GRIK1: variants seen among roughly 807,000 people sequenced by gnomAD.
GRIK1 encodes glutamate receptor ionotropic, kainate 1.
In GRIK1, 69 loss-of-function variants were observed where a neutral mutation model predicts 105.7. The ratio of observed to expected loss-of-function variants is 0.65; its 90% confidence interval spans 0.54 to 0.80. GRIK1 has a LOEUF of 0.80. GRIK1 is among the 30% of genes least tolerant of loss of function. GRIK1 has a pLI of 0.00. For synonymous variants in GRIK1, 438 were observed against 431.3 expected, an observed-to-expected ratio of 1.02 and a Z score of -0.19; for missense variants, 1,109 against 1,167.3, an observed-to-expected ratio of 0.95 and a Z score of 0.73.
Position 29,642,807 on chromosome 21 carries a change from G to A in GRIK1, c.1098+19C>T, listed in dbSNP as rs779635529. On this transcript the variant is annotated intron_variant, in intron 7 of 17. Transcript: ENST00000327783. The stretch of plus-strand genomic sequence containing the variant: ...CAGTGCTCAGAAGGGCCCCTGGGCT[G>A]TGAGGGAGCATCACTTGCCTCTTTG... 2 of 1,612,862 alleles carry A rather than the reference G, an allele frequency of 1.2e-6. No homozygotes were observed. Among genetic ancestry groups the A allele is most frequent in the Non-Finnish European group, 1.7e-6 (2 of 1,178,942 alleles).
chr21:29,762,168 C>T (rs2065543688), intron 1 of GRIK1, among the ~76,000 whole-genome samples: 1 of 152,206 alleles, frequency 6.6e-6, no homozygotes, highest in African/African-American at 2.4e-5. Flanking sequence ...ATGCTCTATC[C>T]TAGTTCAGGG....
At chr21:29,726,683 G>A (rs2064472423) in intron 1 of GRIK1, among the ~76,000 whole-genome samples, 1 of 151,266 alleles carries the variant, frequency 6.6e-6, no homozygotes, top group South Asian at 2.1e-4. Flanking sequence ...CTATTTAATG[G>A]TTACATAAAA....
chr21:29,873,994 T>C (rs1018104151), intron 1 of GRIK1, among the ~76,000 whole-genome samples: 2 of 152,154 alleles, frequency 1.3e-5, no homozygotes, highest in African/African-American at 4.8e-5. Context: ...CAATTCACAA[T>C]AGGGTTCCCT....
At chr21:29,568,079 T>C (rs1253553941) in intron 14 of GRIK1, among the ~76,000 whole-genome samples, 1 of 152,232 alleles carries the variant, frequency 6.6e-6, no homozygotes, top group Non-Finnish European at 1.5e-5. Context: ...ATATTTTTCA[T>C]GTTTTTCTCC....
At chr21:29,621,378 T>A (rs931747149) in intron 7 of GRIK1, among the ~76,000 whole-genome samples, 2 of 151,798 alleles carry the variant, frequency 1.3e-5, no homozygotes, top group Admixed American at 6.6e-5. Context: ...ATATAAATAT[T>A]CATTGGGCCT....
chr21:29,870,166 G>C (rs190517592), intron 1 of GRIK1, among the ~76,000 whole-genome samples: 63 of 152,172 alleles, frequency 4.1e-4, no homozygotes, highest in African/African-American at 1.5e-3. Context: ...ACATAATAGT[G>C]TATTAAATTT....
chr21:29,724,075 T>G (rs953747775), intron 1 of GRIK1, among the ~76,000 whole-genome samples: 1 of 152,216 alleles, frequency 6.6e-6, no homozygotes, highest in African/African-American at 2.4e-5. Context: ...TATATAATTT[T>G]TATAAGATCC....
chr21:29,724,354 A>ATTG (rs138010589), intron 1 of GRIK1, among the ~76,000 whole-genome samples: 123,994 of 151,914 alleles, frequency 0.82, 53,017 homozygotes, highest in Non-Finnish European at 0.96. Context: ...CTGAGATACG[A>ATTG]TTGTTGGGCA....
intron 1 of GRIK1, among the ~76,000 whole-genome samples, chr21:29,742,035 C>T (rs2064943295): frequency 2.6e-5 from 4 of 152,128 alleles, no homozygotes; most frequent in Admixed American, 2.6e-4. Flanking sequence ...AAATTAATTT[C>T]ATGGTATTTT....
rs565214849 is a variant in GRIK1, at chr21:29,702,766, G to A, written c.119-8703C>T. 3.3e-5 allele frequency among the ~76,000 whole-genome samples: 5 copies of A among 152,290 alleles called. No homozygotes were observed. The South Asian group carries it at 1.0e-3, about 32-fold the overall frequency. On this transcript the variant is annotated intron_variant, in intron 1 of 17. Coordinates refer to ENST00000327783, the MANE Select transcript of GRIK1 (RefSeq NM_001330994.2). ...GACAGAGACTGGAGTGATGCAGCCAGAAGCCAAGGAATGACTGAAGCCACC... is the reference window on the plus strand; with the variant it reads ...GACAGAGACTGGAGTGATGCAGCCAAAAGCCAAGGAATGACTGAAGCCACC...
Position 29,608,950 on chromosome 21 carries a change from A to G in GRIK1, c.1099-10013T>C, listed in dbSNP as rs142996794. 1.3e-3 allele frequency among the ~76,000 whole-genome samples: 196 copies of G among 152,102 alleles called. 1 individual carries two copies. Among genetic ancestry groups the G allele is most frequent in the Admixed American group, 6.6e-3 (101 of 15,264 alleles). The stretch of plus-strand genomic sequence containing the variant: ...ACCAGGTGTTGATCCAACATCCACT[A>G]GTTATAAGACAAGTAGGATTAAGTG... On this transcript the variant is annotated intron_variant, in intron 7 of 17. Coordinates refer to ENST00000327783, the MANE Select transcript of GRIK1 (RefSeq NM_001330994.2).
intron 1 of GRIK1, among the ~76,000 whole-genome samples, chr21:29,913,636 A>G (rs1445945452): frequency 2.0e-5 from 3 of 150,872 alleles, no homozygotes; most frequent in South Asian, 2.1e-4. Flanking sequence ...ACACAATGTC[A>G]AAAGAAAACA....
At chr21:29,875,323 C>T (rs1275112769) in intron 1 of GRIK1, among the ~76,000 whole-genome samples, 1 of 152,116 alleles carries the variant, frequency 6.6e-6, no homozygotes, top group East Asian at 1.9e-4. Flanking sequence ...TCAATAATCA[C>T]TACACATTTC....
At chr21:29,799,320 G>C (rs933793091) in intron 1 of GRIK1, among the ~76,000 whole-genome samples, 2 of 152,198 alleles carry the variant, frequency 1.3e-5, no homozygotes, top group Non-Finnish European at 2.9e-5. Flanking sequence ...ACATGGCGCT[G>C]TTATGCTATT....
chr21:29,789,603 G>C (rs77643651), intron 1 of GRIK1, among the ~76,000 whole-genome samples: 332 of 152,274 alleles, frequency 2.2e-3, no homozygotes, highest in African/African-American at 7.6e-3. Flanking sequence ...ACCTCACGGA[G>C]TAAGCATTTT....
intron 1 of GRIK1, among the ~76,000 whole-genome samples, chr21:29,746,678 T>A (rs2065057176): frequency 6.6e-6 from 1 of 152,198 alleles, no homozygotes; most frequent in Non-Finnish European, 1.5e-5. Context: ...TGATCTGAAG[T>A]AGGGTGTTAT....
At chr21:29,725,221 G>A (rs1001166069) in intron 1 of GRIK1, among the ~76,000 whole-genome samples, 5 of 152,132 alleles carry the variant, frequency 3.3e-5, no homozygotes, top group Admixed American at 2.0e-4. Context: ...TATAAATGCC[G>A]TGAGAAATGA....
intron 1 of GRIK1, among the ~76,000 whole-genome samples, chr21:29,714,058 A>AAATAG (rs2064119843): frequency 6.6e-6 from 1 of 152,194 alleles, no homozygotes; most frequent in Non-Finnish European, 1.5e-5. Flanking sequence ...AGCAGTGGGG[A>AAATAG]AATAGCTCAG....
intron 3 of GRIK1, among the ~76,000 whole-genome samples, chr21:29,673,442 C>T (rs527779226): frequency 6.6e-6 from 1 of 152,242 alleles, no homozygotes; most frequent in Admixed American, 6.5e-5. Flanking sequence ...AAACACCTCC[C>T]ATCTTTAACA....
Sources: allele counts gnomAD v4.1 joint callset (sites outside exome capture counted in the v4.1 genomes callset), GRCh38; gene constraint gnomAD v4.1.1; transcripts MANE v1.5; gene names NCBI Gene and HGNC (gene_info 2026-07-23, HGNC 2026-07-21).